Variants in CKAP2L observed in about 807,000 individuals in gnomAD.
CKAP2L encodes the protein cytoskeleton-associated protein 2-like.
Under a neutral mutation model 65.7 loss-of-function variants are expected in CKAP2L, and 42 were observed. The ratio of observed to expected loss-of-function variants is 0.64; its 90% CI spans 0.50 to 0.83. The LOEUF (loss-of-function observed/expected upper bound fraction) is 0.83, where lower values mean the gene tolerates loss of function less well. Ranked by LOEUF, CKAP2L falls within the 40% of genes least tolerant of loss-of-function variation. The pLI is 0.00. For synonymous variants in CKAP2L, 325 were observed against 313.5 expected, an observed-to-expected ratio of 1.04 and a Z score of -0.39; for missense variants, 908 against 871.0, an observed-to-expected ratio of 1.04 and a Z score of -0.53.
At chr2:112,759,767 C>T (rs987939826) in intron 3 of CKAP2L, among the ~76,000 whole-genome samples, 2 of 152,074 alleles carry the variant, frequency 1.3e-5, no homozygotes, top group Non-Finnish European at 2.9e-5. Context: ...TATATGTCTA[C>T]ATATGCATAT....
chr2:112,763,459 C>A (rs1680794686), intron 1 of CKAP2L, among the ~76,000 whole-genome samples: 1 of 151,910 alleles, frequency 6.6e-6, no homozygotes, highest in Non-Finnish European at 1.5e-5. Context: ...CTACGCAAGC[C>A]ATTTGTGAGG....
At chr2:112,757,304 AAAT>A in intron 3 of CKAP2L, 90 bp from the exon 4 acceptor site, 1 of 926,404 alleles carries the variant, frequency 1.1e-6, no homozygotes, top group Non-Finnish European at 1.5e-6. Context: ...ATGCTAAAAA[AAAT>A]AATCATTTTT....
intron 2 of CKAP2L, 145 bp downstream of exon 2, chr2:112,762,358 A>T: frequency 3.1e-6 from 2 of 651,216 alleles, no homozygotes; most frequent in Non-Finnish European, 2.8e-6. Context: ...TCATGCCTGG[A>T]CTGAAATGCT....
intron 5 of CKAP2L, among the ~76,000 whole-genome samples, chr2:112,749,007 A>T (rs1310225540): frequency 6.6e-6 from 1 of 152,272 alleles, no homozygotes; most frequent in Non-Finnish European, 1.5e-5. Flanking sequence ...AAACACAGAA[A>T]TGAGGAAAAA....
At chr2:112,745,978 T>C (rs1458347100) in intron 6 of CKAP2L, among the ~76,000 whole-genome samples, 3 of 151,924 alleles carry the variant, frequency 2.0e-5, no homozygotes, top group Non-Finnish European at 4.4e-5. Flanking sequence ...AAGGGGAAAA[T>C]GGGAGGGAAG....
chr2:112,760,505 G>A (rs1680685417), intron 3 of CKAP2L, among the ~76,000 whole-genome samples: 1 of 152,162 alleles, frequency 6.6e-6, no homozygotes, highest in Non-Finnish European at 1.5e-5. Flanking sequence ...GTTCACTTGA[G>A]GCTTTTCTTG....
chr2:112,763,530 C>A (rs139964255), intron 1 of CKAP2L, among the ~76,000 whole-genome samples: 338 of 151,908 alleles, frequency 2.2e-3, no homozygotes, highest in African/African-American at 7.8e-3. Context: ...GAGATAAAAT[C>A]AACACAGCAA....
At chr2:112,757,678 C>T (rs78276199) in intron 3 of CKAP2L, among the ~76,000 whole-genome samples, 7,042 of 152,230 alleles carry the variant, frequency 0.046, 238 homozygotes, top group Middle Eastern at 0.12. Flanking sequence ...GTATGAGCCA[C>T]CACACCTGTC....
chr2:112,748,266 C>T (rs1213205542), intron 5 of CKAP2L, among the ~76,000 whole-genome samples: 1 of 152,030 alleles, frequency 6.6e-6, no homozygotes, highest in Non-Finnish European at 1.5e-5. Context: ...AAAAGAAAAT[C>T]GTACAAGCTT....
chr2:112,754,547 T>C (rs1680475701), intron 4 of CKAP2L, among the ~76,000 whole-genome samples: 1 of 152,210 alleles, frequency 6.6e-6, no homozygotes, highest in Admixed American at 6.5e-5. Flanking sequence ...TAATTTTGTT[T>C]CTCTAGTACT....
chr2:112,756,948 T>C lies in CKAP2L; in HGVS notation c.423A>G (p.Ser141=). The C allele has an allele frequency of 6.2e-7, 1 of 1,614,266 alleles. No individual in the cohort carries two copies. The highest frequency in any genetic ancestry group is 1.1e-5 in the South Asian group (1 of 91,092). Residue 141 remains serine, a synonymous_variant, in exon 4 of 9, where the codon TCA becomes TCG. Coordinates refer to ENST00000302450, the MANE Select transcript of CKAP2L (RefSeq NM_152515.5). The stretch of plus-strand genomic sequence containing the variant: ...TAGTTTTCAATTGCTCTATATTAAG[T>C]GACCCCACAGGTTTTCTTGACAGTT... ...TGELSRKPVG[S]LNIEQLKTTK... is the part of the protein sequence containing the mutation.
chr2:112,741,480 T>C (rs1679960791), intron 7 of CKAP2L, among the ~76,000 whole-genome samples: 1 of 152,194 alleles, frequency 6.6e-6, no homozygotes, highest in South Asian at 2.1e-4. Context: ...TTAATAGTTT[T>C]CATGGTAGCC....
In CKAP2L at chr2:112,736,954, TCTTGCTCTGTAA is replaced by T. The variant is rs1314092784; in HGVS notation, c.*1857_*1868del. The T allele has an allele frequency of 2.0e-5, 3 of 151,708 alleles. No individual in the cohort carries two copies. Among genetic ancestry groups the T allele is most frequent in the East Asian group, 3.9e-4 (2 of 5,184 alleles). 9.4% of individuals were successfully genotyped at this position (151,708 alleles called of 1,614,324 possible). A position where few individuals can be genotyped will look rare whatever the true frequency, so the allele number is the denominator to read the frequency against. ...CATCTTTTTTTTTTTTGAGATGGAG[TCTTGCTCTGTAA>T]CCCAGGCTGGAGTGCAGTGACGCAA... On this transcript the variant is annotated 3_prime_UTR_variant, in exon 9 of 9. Coordinates refer to ENST00000302450, the MANE Select transcript of CKAP2L (RefSeq NM_152515.5).
Position 112,756,788 on chromosome 2 carries a change from G to A in CKAP2L, c.583C>T (p.Pro195Ser), listed in dbSNP as rs746720343. Reference protein sequence around the residue: ...KENLLDILTEPERKPDPKLYT... With the variant: ...KENLLDILTESERKPDPKLYT... The stretch of plus-strand genomic sequence containing the variant: ...AATTTAGGATCTGGCTTCCTCTCAG[G>A]TTCTGTTAAGATATCGAGCAAGTTC... The change falls in exon 4 of 9, where the codon CCT becomes TCT. Residue 195 changes from proline to serine, a missense_variant. Transcript: ENST00000302450. 1 of 1,603,854 alleles carries A rather than the reference G, an allele frequency of 6.2e-7. No individual in the cohort carries two copies. The highest frequency in any genetic ancestry group is 8.5e-7 in the Non-Finnish European group (1 of 1,177,174).
chr2:112,747,594 T>C (rs943299834), intron 5 of CKAP2L, among the ~76,000 whole-genome samples: 12 of 152,182 alleles, frequency 7.9e-5, no homozygotes, highest in Non-Finnish European at 1.3e-4. Context: ...TTGGTTCCCT[T>C]CTGGCTTGTG....
At chr2:112,748,623 A>G (rs895446750) in intron 5 of CKAP2L, among the ~76,000 whole-genome samples, 4 of 152,188 alleles carry the variant, frequency 2.6e-5, no homozygotes, top group Admixed American at 6.5e-5. Context: ...GCACTTTGGG[A>G]AGCTGAGGCA....
intron 2 of CKAP2L, among the ~76,000 whole-genome samples, chr2:112,762,138 C>T (rs1680740759): frequency 6.6e-6 from 1 of 152,112 alleles, no homozygotes; most frequent in Admixed American, 6.5e-5. Flanking sequence ...CCTGCCTTAG[C>T]AAGAAATGCC....
Position 112,756,271 on chromosome 2 carries a change from C to CG in CKAP2L, c.1099_1100insC (p.Cys367SerfsTer14). ...TATGGCTTTTGACTTTTGCAGTACA[C>CG]ATGATGTCTGAGGTATACAAACTTG... On this transcript the variant is annotated frameshift_variant, in exon 4 of 9. Transcript: ENST00000302450. LOFTEE classifies it high-confidence loss of function. 1.9e-6 allele frequency: 3 copies of CG among 1,614,112 alleles called. No homozygotes were observed. The highest frequency in any genetic ancestry group is 2.5e-6 in the Non-Finnish European group (3 of 1,180,010).
chr2:112,749,860 G>C (rs1420444911), intron 5 of CKAP2L, among the ~76,000 whole-genome samples: 1 of 152,116 alleles, frequency 6.6e-6, no homozygotes, highest in Non-Finnish European at 1.5e-5. Flanking sequence ...GGCACGAGAG[G>C]GAGGCTGCAG....
Sources: allele counts gnomAD v4.1 joint callset (sites outside exome capture counted in the v4.1 genomes callset), GRCh38; gene constraint gnomAD v4.1.1; transcripts MANE v1.5; gene names NCBI Gene and HGNC (gene_info 2026-07-23, HGNC 2026-07-21).